MCPH1: variants seen among roughly 807,000 people sequenced by gnomAD.
The protein encoded by MCPH1 is microcephalin.
A neutral mutation model predicts 84.5 loss-of-function variants in MCPH1; 104 were observed. That is an observed-to-expected ratio of 1.23 (90% CI 1.05 to 1.45). The LOEUF is 1.45. Among genes scored for constraint, MCPH1 ranks in the 40% most tolerant of loss-of-function variants. MCPH1 has a pLI of 0.00. For synonymous variants in MCPH1, 514 were observed against 366.8 expected, an observed-to-expected ratio of 1.40 and a Z score of -4.58; for missense variants, 1,498 against 1,005.7, an observed-to-expected ratio of 1.49 and a Z score of -6.62.
rs2129584230 is a variant in MCPH1, at chr8:6,644,449, A to C, written c.*1400A>C. On this transcript the variant is annotated 3_prime_UTR_variant, in exon 14 of 14. Coordinates refer to ENST00000344683, the MANE Select transcript of MCPH1 (RefSeq NM_024596.5). ...TGATTCTATACCTAGAAAACCCTAA[A>C]GACTCTGCCAAAAGGCTCCTGGAAC... is the stretch of plus-strand genomic sequence containing the variant. 6.6e-6 allele frequency: 1 copy of C among 152,322 alleles called. No homozygotes were observed. The highest frequency in any genetic ancestry group is 1.5e-5 in the Non-Finnish European group (1 of 68,028). 9.4% of individuals were successfully genotyped at this position (152,322 alleles called of 1,614,324 possible). A position where few individuals can be genotyped will look rare whatever the true frequency, so the allele number is the denominator to read the frequency against.
chr8:6,463,548 C>T (rs766531653), intron 9 of MCPH1, among the ~76,000 whole-genome samples: 1 of 151,952 alleles, frequency 6.6e-6, no homozygotes, highest in African/African-American at 2.4e-5. Flanking sequence ...AGGAGCCTTG[C>T]AGTGGAAAGA....
At chr8:6,465,806 C>G (rs886899828) in intron 9 of MCPH1, among the ~76,000 whole-genome samples, 1 of 152,170 alleles carries the variant, frequency 6.6e-6, no homozygotes, top group Non-Finnish European at 1.5e-5. Flanking sequence ...CAGAAATGCA[C>G]AGCTGTACGT....
chr8:6,446,704 C>T (rs1347534117), intron 8 of MCPH1: 4 of 985,110 alleles, frequency 4.1e-6, no homozygotes, highest in Non-Finnish European at 3.6e-6. Flanking sequence ...TTACATTCTC[C>T]ATCTTTCCAG....
chr8:6,409,979 T>C (rs1318431598), intron 2 of MCPH1, among the ~76,000 whole-genome samples: 1 of 151,854 alleles, frequency 6.6e-6, no homozygotes, highest in Admixed American at 6.6e-5. Context: ...GGGAGTAATT[T>C]TTTTTTTTTG....
intron 12 of MCPH1, chr8:6,514,811 A>G: frequency 1.9e-6 from 3 of 1,588,014 alleles, no homozygotes; most frequent in Non-Finnish European, 2.6e-6. Flanking sequence ...TAAGTGACAG[A>G]GCCCCCCCAC....
At chr8:6,452,040 C>A (rs1463725357) in intron 8 of MCPH1, among the ~76,000 whole-genome samples, 1 of 152,174 alleles carries the variant, frequency 6.6e-6, no homozygotes, top group South Asian at 2.1e-4. Flanking sequence ...TCGGCCTTAG[C>A]TCTAGACAAA....
intron 13 of MCPH1, among the ~76,000 whole-genome samples, chr8:6,624,165 T>G (rs961277450): frequency 1.3e-5 from 2 of 152,250 alleles, no homozygotes. Context: ...AATGTCTACC[T>G]GCTTAATCCT....
Position 6,647,976 on chromosome 8 carries a change from T to C in MCPH1, c.*4927T>C, listed in dbSNP as rs1022596176. On this transcript the variant is annotated 3_prime_UTR_variant, in exon 14 of 14. Transcript: ENST00000344683. ...GAGCTACATGGCAGCCCCAGGGCAA[T>C]AGCTCTCAGATCTCCCTTAGAGAAA... 1.3e-5 allele frequency: 2 copies of C among 152,104 alleles called. No homozygotes were observed. Among genetic ancestry groups the C allele is most frequent in the African/African-American group, 2.4e-5 (1 of 41,420 alleles). The allele number at this position is 152,104 out of a possible 1,614,324, so 9.4% of individuals were successfully genotyped here. A position where few individuals can be genotyped will look rare whatever the true frequency, so the allele number is the denominator to read the frequency against.
intron 12 of MCPH1, among the ~76,000 whole-genome samples, chr8:6,540,744 G>T (rs897005392): frequency 6.6e-6 from 1 of 152,284 alleles, no homozygotes; most frequent in Non-Finnish European, 1.5e-5. Context: ...AGCAGAGCCT[G>T]AGACAAAGGC....
intron 9 of MCPH1, among the ~76,000 whole-genome samples, chr8:6,456,657 CTT>C (rs35818409): frequency 2.8e-5 from 4 of 144,776 alleles, no homozygotes; most frequent in Non-Finnish European, 4.6e-5. Context: ...CCATGTCTGG[CTT>C]TTTTTTTTTT....
intron 3 of MCPH1, among the ~76,000 whole-genome samples, chr8:6,429,536 T>G (rs1315951578): frequency 6.6e-6 from 1 of 152,060 alleles, no homozygotes; most frequent in Non-Finnish European, 1.5e-5. Flanking sequence ...CCCTTTTTTT[T>G]TTTATTTGTT....
intron 8 of MCPH1, chr8:6,447,443 T>G (rs758169984): frequency 3.0e-6 from 3 of 984,556 alleles, no homozygotes; most frequent in Admixed American, 6.1e-5. Context: ...CTGTTGTCAG[T>G]ATCTAAGATA....
At chr8:6,619,024 T>C (rs1831139105) in intron 12 of MCPH1, 1 of 152,174 alleles carries the variant, frequency 6.6e-6, no homozygotes, top group African/African-American at 2.4e-5. Flanking sequence ...TCCCCCAGAA[T>C]CCCACCAGCA....
chr8:6,577,062 G>C (rs1827185839), intron 12 of MCPH1, among the ~76,000 whole-genome samples: 1 of 152,122 alleles, frequency 6.6e-6, no homozygotes, highest in African/African-American at 2.4e-5. Context: ...TTACGCTCTG[G>C]ACAAGCGGCA....
At chr8:6,511,852 G>C (rs138651165) in intron 12 of MCPH1, among the ~76,000 whole-genome samples, 1 of 149,386 alleles carries the variant, frequency 6.7e-6, no homozygotes. Context: ...GACCCATTTT[G>C]TAAAAATCTT....
intron 12 of MCPH1, among the ~76,000 whole-genome samples, chr8:6,593,653 C>G (rs1279900225): frequency 6.6e-6 from 1 of 152,216 alleles, no homozygotes; most frequent in Non-Finnish European, 1.5e-5. Flanking sequence ...TACAGCTGAC[C>G]CAGACACCAT....
chr8:6,581,833 G>T (rs1162811797), intron 12 of MCPH1, among the ~76,000 whole-genome samples: 1 of 152,162 alleles, frequency 6.6e-6, no homozygotes, highest in East Asian at 1.9e-4. Flanking sequence ...TTCCATGTCT[G>T]GTGAGGGCCT....
chr8:6,641,730 C>G (rs1246972148), intron 13 of MCPH1, among the ~76,000 whole-genome samples: 1 of 152,116 alleles, frequency 6.6e-6, no homozygotes, highest in Non-Finnish European at 1.5e-5. Context: ...CGTGACTGAG[C>G]AAGACCCTAT....
chr8:6,524,230 T>C (rs560981359), intron 12 of MCPH1, among the ~76,000 whole-genome samples: 2 of 152,342 alleles, frequency 1.3e-5, no homozygotes, highest in African/African-American at 4.8e-5. Flanking sequence ...TCAGCTGTCT[T>C]ATTTAATAAT....
Sources: gnomAD v4.1 joint callset for allele counts (sites outside exome capture counted in the v4.1 genomes callset) on GRCh38, gnomAD v4.1.1 for gene constraint, MANE v1.5 for transcripts, NCBI Gene and HGNC (gene_info 2026-07-23, HGNC 2026-07-21) for gene names.